The following NRXN1 variants were observed in gnomAD, a reference collection of about 807,000 sequenced individuals.
NRXN1 encodes neurexin-1.
NRXN1 carries 39 observed loss-of-function variants against 150.9 expected under a neutral mutation model. The ratio of observed to expected loss-of-function variants is 0.26; its 90% CI spans 0.20 to 0.34. The LOEUF is 0.34. Among genes scored for constraint, NRXN1 ranks in the 10% least tolerant of loss-of-function variants. NRXN1 has a pLI of 1.00. For synonymous variants in NRXN1, 924 were observed against 757.0 expected, an observed-to-expected ratio of 1.22 and a Z score of -3.62; for missense variants, 1,815 against 1,949.9, an observed-to-expected ratio of 0.93 and a Z score of 1.30.
At chr2:50,631,071 A>G in intron 5 of NRXN1, 1 of 447,776 alleles carries the variant, frequency 2.2e-6, no homozygotes, top group Non-Finnish European at 4.6e-6. Context: ...TTAAAACAAT[A>G]AATTGATTAT....
chr2:50,971,395 C>T (rs567120018), intron 2 of NRXN1, among the ~76,000 whole-genome samples: 190 of 151,994 alleles, frequency 1.3e-3, no homozygotes, highest in African/African-American at 4.3e-3. Context: ...CCAGCCTGGC[C>T]AACATGGTGA....
intron 5 of NRXN1, among the ~76,000 whole-genome samples, chr2:50,786,512 T>A (rs1202838732): frequency 6.6e-6 from 1 of 152,088 alleles, no homozygotes; most frequent in East Asian, 1.9e-4. Context: ...TGAAGACTAA[T>A]GATCCTTTCT....
intron 8 of NRXN1, among the ~76,000 whole-genome samples, chr2:50,593,857 C>T (rs1430953676): frequency 6.6e-6 from 1 of 152,040 alleles, no homozygotes; most frequent in African/African-American, 2.4e-5. Context: ...TAACTATCAC[C>T]ATATGCTTAC....
chr2:50,256,831 C>T (rs577681728), intron 17 of NRXN1, among the ~76,000 whole-genome samples: 3 of 152,142 alleles, frequency 2.0e-5, no homozygotes, highest in South Asian at 2.1e-4. Context: ...CTGCCCATTT[C>T]CCTCTTTCTT....
chr2:50,312,033 T>C (rs1483534311), intron 17 of NRXN1, among the ~76,000 whole-genome samples: 3 of 152,150 alleles, frequency 2.0e-5, no homozygotes, highest in East Asian at 3.8e-4. Flanking sequence ...GAGTAATATA[T>C]GCTGATGTAA....
chr2:50,559,744 A>C (rs1269436260), intron 8 of NRXN1, among the ~76,000 whole-genome samples: 1 of 152,224 alleles, frequency 6.6e-6, no homozygotes. Context: ...ACAGATATAT[A>C]GATAAGTAGA....
chr2:50,361,355 T>C (rs576587992), intron 17 of NRXN1, among the ~76,000 whole-genome samples: 1 of 151,926 alleles, frequency 6.6e-6, no homozygotes, highest in East Asian at 1.9e-4. Flanking sequence ...ACAAAATAGA[T>C]AGACCACTAG....
intron 17 of NRXN1, among the ~76,000 whole-genome samples, chr2:50,270,738 C>G (rs2069498397): frequency 6.6e-6 from 1 of 150,610 alleles, no homozygotes; most frequent in African/African-American, 2.5e-5. Flanking sequence ...GGTGCGATCT[C>G]AGCTCACTGC....
chr2:50,013,373 G>A (rs1363052), intron 21 of NRXN1, among the ~76,000 whole-genome samples: 126,306 of 151,198 alleles, frequency 0.84, 52,840 homozygotes, highest in Middle Eastern at 0.88. Flanking sequence ...TACTGGCTTC[G>A]TAAACTCCCA....
intron 17 of NRXN1, among the ~76,000 whole-genome samples, chr2:50,415,216 A>G (rs1420994865): frequency 6.6e-6 from 1 of 152,186 alleles, no homozygotes; most frequent in Non-Finnish European, 1.5e-5. Context: ...AAAAATAACA[A>G]GGTAGTTCAC....
chr2:50,550,386 A>G (rs938181292), intron 9 of NRXN1, among the ~76,000 whole-genome samples: 22 of 152,198 alleles, frequency 1.4e-4, no homozygotes, highest in African/African-American at 4.8e-4. Context: ...GTTTTGTTTT[A>G]AAGTGCTATA....
chr2:50,728,056 T>C (rs1697614507), intron 5 of NRXN1, among the ~76,000 whole-genome samples: 1 of 152,182 alleles, frequency 6.6e-6, no homozygotes, highest in Admixed American at 6.5e-5. Flanking sequence ...TTAAACTTAA[T>C]AATCAACAGA....
At chr2:50,712,835 A>G (rs1193496175) in intron 5 of NRXN1, among the ~76,000 whole-genome samples, 2 of 152,168 alleles carry the variant, frequency 1.3e-5, no homozygotes, top group African/African-American at 4.8e-5. Flanking sequence ...TTAACAGAGG[A>G]TCTGGCTGAA....
At chr2:50,924,634 T>C (rs1278414769) in intron 3 of NRXN1, among the ~76,000 whole-genome samples, 1 of 151,750 alleles carries the variant, frequency 6.6e-6, no homozygotes, top group Non-Finnish European at 1.5e-5. Flanking sequence ...TTTTATCAAG[T>C]ATATACTCAC....
intron 5 of NRXN1, among the ~76,000 whole-genome samples, chr2:50,786,174 T>C (rs1705087616): frequency 6.6e-6 from 1 of 152,082 alleles, no homozygotes; most frequent in Non-Finnish European, 1.5e-5. Flanking sequence ...ATATAAAATA[T>C]GAATATTTTA....
chr2:50,853,320 A>G (rs563571991), intron 5 of NRXN1, among the ~76,000 whole-genome samples: 5 of 152,224 alleles, frequency 3.3e-5, no homozygotes, highest in Admixed American at 3.3e-4. Context: ...ATAACATGCT[A>G]TAATTGCTCA....
At chr2:50,268,349 G>A (rs2069142593) in intron 17 of NRXN1, among the ~76,000 whole-genome samples, 1 of 152,124 alleles carries the variant, frequency 6.6e-6, no homozygotes, top group Non-Finnish European at 1.5e-5. Flanking sequence ...AGTTCCTTAA[G>A]TACACAAATA....
At chr2:50,949,277 G>A (rs1270539507) in intron 2 of NRXN1, among the ~76,000 whole-genome samples, 2 of 151,932 alleles carry the variant, frequency 1.3e-5, no homozygotes, top group African/African-American at 4.8e-5. Flanking sequence ...TTGAAATAGG[G>A]ATTTAGTTAA....
At chr2:50,499,852 G>T (rs184941902) in intron 13 of NRXN1, among the ~76,000 whole-genome samples, 173 of 151,418 alleles carry the variant, frequency 1.1e-3, no homozygotes, top group African/African-American at 4.1e-3. Flanking sequence ...GGAGGCTGAG[G>T]CAGGAGAATC....
Sources: allele counts gnomAD v4.1 joint callset (sites outside exome capture counted in the v4.1 genomes callset), GRCh38; gene constraint gnomAD v4.1.1; transcripts MANE v1.5; gene names NCBI Gene and HGNC (gene_info 2026-07-23, HGNC 2026-07-21).